DTNB: variants seen among roughly 807,000 people sequenced by gnomAD.
The protein encoded by DTNB is DTN-B.
Under a neutral mutation model 90.7 loss-of-function variants are expected in DTNB, and 63 were observed. That is an observed-to-expected ratio of 0.69 (90% confidence interval 0.57 to 0.86). DTNB has a LOEUF of 0.86. DTNB is among the 40% of genes least tolerant of loss of function. DTNB has a pLI of 0.00. For missense variants in DTNB, 744 were observed against 807.1 expected (o/e 0.92, Z 0.95); for synonymous variants, 277 against 286.7 (o/e 0.97, Z 0.34).
chr2:25,416,995 G>C (rs934713031), intron 16 of DTNB, among the ~76,000 whole-genome samples: 1 of 152,112 alleles, frequency 6.6e-6, no homozygotes, highest in Non-Finnish European at 1.5e-5. Context: ...ATTGAATTAC[G>C]TAAAGTCATT....
At chr2:25,524,467 C>T (rs1175325401) in intron 9 of DTNB, among the ~76,000 whole-genome samples, 1 of 135,554 alleles carries the variant, frequency 7.4e-6, no homozygotes, top group Non-Finnish European at 1.5e-5. Context: ...GGGAGTAATT[C>T]GGACTGATAA....
chr2:25,497,752 T>C (rs898723923), intron 9 of DTNB: 1 of 152,218 alleles, frequency 6.6e-6, no homozygotes, highest in Non-Finnish European at 1.5e-5. Context: ...AGTCATTCTG[T>C]GGCCTCTTAT....
intron 10 of DTNB, among the ~76,000 whole-genome samples, chr2:25,472,252 T>C (rs1278293092): frequency 6.6e-6 from 1 of 152,202 alleles, no homozygotes; most frequent in African/African-American, 2.4e-5. Flanking sequence ...AATATAGTTT[T>C]AGGGTGTTAC....
intron 8 of DTNB, among the ~76,000 whole-genome samples, chr2:25,565,085 G>A (rs2058817000): frequency 6.6e-6 from 1 of 152,078 alleles, no homozygotes; most frequent in African/African-American, 2.4e-5. Flanking sequence ...TTTCAATATG[G>A]ATGCATTTTG....
intron 9 of DTNB, among the ~76,000 whole-genome samples, chr2:25,484,993 C>T (rs1047234309): frequency 6.6e-6 from 1 of 152,134 alleles, no homozygotes; most frequent in African/African-American, 2.4e-5. Flanking sequence ...AATTGTCCAA[C>T]TGAAACAAGG....
Position 25,455,500 on chromosome 2 carries a change from A to G in DTNB, c.1080-6T>C. 1 of 1,602,020 alleles carries G rather than the reference A, an allele frequency of 6.2e-7. No individual in the cohort carries two copies. The highest frequency in any genetic ancestry group is 1.1e-5 in the South Asian group (1 of 88,508). The stretch of plus-strand genomic sequence containing the variant: ...TATCCTGGCTATACTGTAACCTAGG[A>G]ACAATGGAGGCAAAGACAGCAAGCG... On this transcript the variant is annotated splice_polypyrimidine_tract_variant and splice_region_variant and intron_variant, in intron 10 of 20. Coordinates refer to ENST00000406818, the MANE Select transcript of DTNB (RefSeq NM_021907.5).
intron 10 of DTNB, among the ~76,000 whole-genome samples, chr2:25,468,030 T>G (rs958838489): frequency 6.6e-6 from 1 of 152,144 alleles, no homozygotes; most frequent in African/African-American, 2.4e-5. Flanking sequence ...GGAAGTGTTC[T>G]GAGGTCAGTT....
intron 12 of DTNB, among the ~76,000 whole-genome samples, chr2:25,437,122 C>T (rs2056054374): frequency 6.6e-6 from 1 of 152,154 alleles, no homozygotes; most frequent in Non-Finnish European, 1.5e-5. Context: ...AATCCTGAGG[C>T]AGCAGTTCCC....
chr2:25,499,817 A>C (rs958034763), intron 9 of DTNB, among the ~76,000 whole-genome samples: 2 of 152,182 alleles, frequency 1.3e-5, no homozygotes, highest in African/African-American at 4.8e-5. Context: ...ATTGGAACAC[A>C]CTGGTTGCTC....
intron 4 of DTNB, among the ~76,000 whole-genome samples, chr2:25,617,004 G>A (rs2070910141): frequency 6.6e-6 from 1 of 150,686 alleles, no homozygotes; most frequent in African/African-American, 2.4e-5. Flanking sequence ...GTAATGTGTG[G>A]TCCCTTAACA....
chr2:25,408,395 T>C (rs931038954), intron 16 of DTNB, among the ~76,000 whole-genome samples: 2 of 151,264 alleles, frequency 1.3e-5, no homozygotes, highest in Non-Finnish European at 2.9e-5. Context: ...AAAAATTAGT[T>C]GGGTGTGGTG....
intron 8 of DTNB, among the ~76,000 whole-genome samples, chr2:25,545,674 T>A (rs2082262786): frequency 6.6e-6 from 1 of 152,124 alleles, no homozygotes; most frequent in Non-Finnish European, 1.5e-5. Flanking sequence ...CAGGCTGGAG[T>A]GCAGTGGTAC....
intron 8 of DTNB, among the ~76,000 whole-genome samples, chr2:25,555,310 C>A (rs76471080): frequency 0.31 from 40,371 of 131,308 alleles, 6,884 homozygotes; most frequent in East Asian, 0.5. Flanking sequence ...AAAAAAAAAA[C>A]AAAAAGGTCT....
intron 12 of DTNB, among the ~76,000 whole-genome samples, chr2:25,445,704 G>A (rs1041513477): frequency 6.6e-6 from 1 of 152,002 alleles, no homozygotes; most frequent in Non-Finnish European, 1.5e-5. Context: ...GAAATACCCC[G>A]CTGGGCATAC....
chr2:25,519,286 C>T (rs1381484646), intron 9 of DTNB, among the ~76,000 whole-genome samples: 2 of 151,466 alleles, frequency 1.3e-5, no homozygotes, highest in African/African-American at 4.9e-5. Flanking sequence ...ATCTCTTGAG[C>T]CCAGGAGTTT....
intron 8 of DTNB, among the ~76,000 whole-genome samples, chr2:25,559,431 C>A (rs543200492): frequency 6.6e-6 from 1 of 152,308 alleles, no homozygotes; most frequent in East Asian, 1.9e-4. Context: ...GAGGAGAAGT[C>A]CTCCTAGAAC....
intron 16 of DTNB, among the ~76,000 whole-genome samples, chr2:25,411,858 A>G (rs927322073): frequency 9.9e-5 from 15 of 152,196 alleles, no homozygotes; most frequent in African/African-American, 3.4e-4. Context: ...AAATAAATGA[A>G]TGGCAATCCT....
chr2:25,521,995 C>T (rs887494733), intron 9 of DTNB, among the ~76,000 whole-genome samples: 1 of 152,172 alleles, frequency 6.6e-6, no homozygotes. Context: ...TGACTAACCA[C>T]TAATTAAAGA....
At chr2:25,488,516 G>T (rs1202464724) in intron 9 of DTNB, among the ~76,000 whole-genome samples, 2 of 152,162 alleles carry the variant, frequency 1.3e-5, no homozygotes, top group African/African-American at 4.8e-5. Context: ...TGAAGTACAG[G>T]TAAGTGGATG....
Sources: allele counts gnomAD v4.1 joint callset (sites outside exome capture counted in the v4.1 genomes callset), GRCh38; gene constraint gnomAD v4.1.1; transcripts MANE v1.5; gene names NCBI Gene and HGNC (gene_info 2026-07-23, HGNC 2026-07-21).